CNTN4: variants seen among roughly 807,000 people sequenced by gnomAD.
CNTN4 encodes contactin 4, also known as contactin-4.
Under a neutral mutation model 122.5 loss-of-function variants are expected in CNTN4, and 77 were observed. The ratio of observed to expected loss-of-function variants is 0.63; its 90% confidence interval spans 0.52 to 0.76. The LOEUF is 0.76. Among genes scored for constraint, CNTN4 ranks in the 30% least tolerant of loss-of-function variants. The probability of loss-of-function intolerance (pLI) is 0.00; values close to 1 mark genes in which losing one functional copy is unlikely to be tolerated. For synonymous variants in CNTN4, 512 were observed against 447.0 expected (o/e 1.15, Z -1.83); for missense variants, 1,256 against 1,259.1 (o/e 1.00, Z 0.04).
At chr3:2,289,378 TGTTTA>T (rs1239921226) in intron 2 of CNTN4, among the ~76,000 whole-genome samples, 1 of 152,222 alleles carries the variant, frequency 6.6e-6, no homozygotes, top group East Asian at 1.9e-4. Flanking sequence ...AACTTTTGTA[TGTTTA>T]GTTTTCTCAT....
chr3:3,002,603 T>C (rs1216989210), intron 14 of CNTN4, among the ~76,000 whole-genome samples: 7 of 152,200 alleles, frequency 4.6e-5, no homozygotes, highest in Non-Finnish European at 8.8e-5. Flanking sequence ...CCTGTACATC[T>C]GGGGGCTGGT....
At chr3:2,968,466 G>A (rs1370806979) in intron 13 of CNTN4, among the ~76,000 whole-genome samples, 1 of 152,172 alleles carries the variant, frequency 6.6e-6, no homozygotes, top group African/African-American at 2.4e-5. Context: ...TGATGCACTC[G>A]ACCATCCAGA....
intron 3 of CNTN4, among the ~76,000 whole-genome samples, chr3:2,488,452 T>G (rs7629193): frequency 1 from 151,997 of 152,162 alleles, 75,916 homozygotes; most frequent in East Asian, 1. Flanking sequence ...GAGTGAGTGT[T>G]GGGGGGTGTG....
chr3:2,612,554 G>A (rs1025906502), intron 4 of CNTN4, among the ~76,000 whole-genome samples: 13 of 152,052 alleles, frequency 8.5e-5, no homozygotes, highest in Admixed American at 3.9e-4. Flanking sequence ...ACTAATATTG[G>A]TTTCACAAGG....
intron 2 of CNTN4, among the ~76,000 whole-genome samples, chr3:2,170,134 A>T (rs917340155): frequency 6.6e-6 from 1 of 151,776 alleles, no homozygotes; most frequent in Admixed American, 6.6e-5. Context: ...ATCCTGGCTA[A>T]CACGGTGAAA....
chr3:2,268,866 C>G (rs1301618785), intron 2 of CNTN4, among the ~76,000 whole-genome samples: 12 of 152,068 alleles, frequency 7.9e-5, no homozygotes, highest in Admixed American at 7.9e-4. Context: ...GAACTCTTGT[C>G]TATGGAGTAA....
At chr3:2,652,117 A>T (rs2083391213) in intron 4 of CNTN4, among the ~76,000 whole-genome samples, 1 of 151,560 alleles carries the variant, frequency 6.6e-6, no homozygotes, top group Non-Finnish European at 1.5e-5. Context: ...ACATTTTTCG[A>T]TTGCTGAGGC....
intron 10 of CNTN4, among the ~76,000 whole-genome samples, chr3:2,887,509 C>A (rs1384254310): frequency 6.6e-6 from 1 of 151,838 alleles, no homozygotes; most frequent in East Asian, 1.9e-4. Context: ...TTCCTCTTTG[C>A]ATCAAGCTGT....
chr3:2,221,563 TA>T (rs35370434), intron 2 of CNTN4, among the ~76,000 whole-genome samples: 45,111 of 150,774 alleles, frequency 0.3, 7,129 homozygotes, highest in African/African-American at 0.36. Context: ...TTATCAAAAT[TA>T]AAAAAAATTT....
chr3:2,611,033 C>T (rs1463833181), intron 4 of CNTN4, among the ~76,000 whole-genome samples: 2 of 151,908 alleles, frequency 1.3e-5, no homozygotes, highest in East Asian at 1.9e-4. Context: ...TCCATTATAA[C>T]ATGCTTTATA....
chr3:3,009,581 C>T (rs1447780466), intron 14 of CNTN4, among the ~76,000 whole-genome samples: 1 of 87,684 alleles, frequency 1.1e-5, no homozygotes, highest in South Asian at 2.7e-4. Flanking sequence ...CTACAGGCGC[C>T]CGCCACCACG....
chr3:2,813,417 A>T (rs553421014), intron 6 of CNTN4, among the ~76,000 whole-genome samples: 1 of 152,212 alleles, frequency 6.6e-6, no homozygotes, highest in Non-Finnish European at 1.5e-5. Flanking sequence ...GTGAATTGGT[A>T]TTTTTTTACT....
chr3:2,880,339 G>T (rs1337410067), intron 8 of CNTN4, among the ~76,000 whole-genome samples: 1 of 152,198 alleles, frequency 6.6e-6, no homozygotes, highest in Non-Finnish European at 1.5e-5. Flanking sequence ...TTCCTGGGAA[G>T]ACGAAAGACC....
chr3:2,377,974 A>G (rs2045883993), intron 3 of CNTN4, among the ~76,000 whole-genome samples: 1 of 152,222 alleles, frequency 6.6e-6, no homozygotes, highest in Non-Finnish European at 1.5e-5. Flanking sequence ...GACAAGTGCT[A>G]ACAACTGTTG....
At chr3:2,713,902 A>G (rs926083221) in intron 4 of CNTN4, among the ~76,000 whole-genome samples, 4 of 152,206 alleles carry the variant, frequency 2.6e-5, no homozygotes, top group Non-Finnish European at 5.9e-5. Flanking sequence ...AAAGTCTCAG[A>G]TTTGTGATCC....
At chr3:2,719,053 G>C (rs1346946129) in intron 4 of CNTN4, among the ~76,000 whole-genome samples, 4 of 152,152 alleles carry the variant, frequency 2.6e-5, no homozygotes, top group Non-Finnish European at 5.9e-5. Context: ...GATCTGTCCA[G>C]ATTAGGTTAT....
At position 2,742,049 on chromosome 3, in the gene CNTN4, G is replaced by A. The variant is rs945199636; in HGVS notation, c.183-3473G>A. On this transcript the variant is annotated intron_variant, in intron 5 of 24. Transcript: ENST00000418658. ...AGCTAAAGCATTCCTCTTGTTGAAA[G>A]AAAGAGCAAGACAAAGAATGGAGAG... 5.9e-5 allele frequency among the ~76,000 whole-genome samples: 9 copies of A among 152,164 alleles called. No homozygotes were observed. In the East Asian group the frequency reaches 1.3e-3, roughly 23 times the overall value.
chr3:2,487,216 A>G (rs2076187841), intron 3 of CNTN4, among the ~76,000 whole-genome samples: 1 of 152,234 alleles, frequency 6.6e-6, no homozygotes, highest in Non-Finnish European at 1.5e-5. Context: ...TTTTTAGTGT[A>G]TATAAACATA....
chr3:2,863,985 G>T (rs952784588), intron 7 of CNTN4, among the ~76,000 whole-genome samples: 1 of 152,182 alleles, frequency 6.6e-6, no homozygotes, highest in African/African-American at 2.4e-5. Context: ...AGTTACTTTA[G>T]TCACAAAAGC....
Sources: allele counts gnomAD v4.1 joint callset (sites outside exome capture counted in the v4.1 genomes callset), GRCh38; gene constraint gnomAD v4.1.1; transcripts MANE v1.5; gene names NCBI Gene and HGNC (gene_info 2026-07-23, HGNC 2026-07-21).